IQANK1: variants seen among roughly 807,000 people sequenced by gnomAD.
IQANK1 encodes IQ motif and ankyrin repeat containing 1.
A neutral mutation model predicts 22.6 loss-of-function variants in IQANK1; 30 were observed. The observed-to-expected ratio is 1.33, with a 90% CI of 0.99 to 1.80. IQANK1 has a LOEUF of 1.80. Ranked by LOEUF, IQANK1 falls within the 40% of genes most tolerant of loss-of-function variation. IQANK1 has a pLI of 0.00. For missense variants in IQANK1, 275 were observed against 235.2 expected (o/e 1.17, Z -1.11); for synonymous variants, 122 against 99.6 (o/e 1.23, Z -1.34).
At chr8:143,759,633 G>A (rs1377689108) in intron 3 of IQANK1, 2 of 152,236 alleles carry the variant, frequency 1.3e-5, no homozygotes, top group Non-Finnish European at 2.9e-5. Context: ...GCCACCTGCT[G>A]AGCTTTGTGA....
Position 143,789,846 on chromosome 8 carries a change from A to G in IQANK1, c.1172A>G (p.Glu391Gly), listed in dbSNP as rs916705320. Residue 391 changes from glutamate (E) to glycine (G), a missense_variant, in exon 11 of 14, where the codon GAG (glutamate) becomes GGG (glycine). By Grantham distance (98) the Glu-to-Gly change is moderately conservative. Coordinates refer to ENST00000527139, the MANE Select transcript of IQANK1 (RefSeq NM_001381874.1). ...GAGGCGCTGGCTATGGCCAGGCTGG[A>G]GCTTCGGGAGCAGACGCAGGAGGGT... Reference protein sequence around the residue: ...AEEALAMARLELREQTQEGEE... With the variant: ...AEEALAMARLGLREQTQEGEE... 29 of 1,231,874 alleles carry G rather than the reference A, an allele frequency of 2.4e-5. No homozygotes were observed. The highest frequency in any genetic ancestry group is 1.7e-4 in the Admixed American group (4 of 23,708). The allele number at this position is 1,231,874 out of a possible 1,614,324, so 76.3% of individuals were successfully genotyped here.
At position 143,771,978 on chromosome 8, in the gene IQANK1, G is replaced by T. The variant is rs1554629827; in HGVS notation, c.471+13G>T. 2 of 145,886 alleles carry T rather than the reference G, an allele frequency of 1.4e-5. No homozygotes were observed. The highest frequency in any genetic ancestry group is 2.5e-5 in the African/African-American group (1 of 39,436). 9.0% of individuals were successfully genotyped at this position (145,886 alleles called of 1,614,324 possible). On this transcript the variant is annotated intron_variant, in intron 5 of 13. Transcript: ENST00000527139. This position sits in a 1 kb window ranked among gnomAD's most constrained non-coding sequence, Gnocchi z 6.0. ...GGTGCTGAAGGAGGTCAGCGGGGGC[G>T]GGAGGAGGACGAGGGCGGGGGGTGG...
At chr8:143,751,602 A>G (rs1402848846) in intron 3 of IQANK1, among the ~76,000 whole-genome samples, 13 of 139,866 alleles carry the variant, frequency 9.3e-5, no homozygotes, top group African/African-American at 3.2e-4. Context: ...ACAGAGCGAG[A>G]CTTCATCTCA....
In IQANK1 at chr8:143,789,177, C is replaced by T. The variant is rs1243731734; in HGVS notation, c.939-12C>T. 5.0e-6 allele frequency: 2 copies of T among 399,832 alleles called. No individual in the cohort carries two copies. Among genetic ancestry groups the T allele is most frequent in the Non-Finnish European group, 8.8e-6 (2 of 226,736 alleles). 24.8% of individuals were successfully genotyped at this position (399,832 alleles called of 1,614,324 possible). A position where few individuals can be genotyped will look rare whatever the true frequency, so the allele number is the denominator to read the frequency against. On this transcript the variant is annotated splice_polypyrimidine_tract_variant and intron_variant, in intron 8 of 13. Coordinates refer to ENST00000527139, the MANE Select transcript of IQANK1 (RefSeq NM_001381874.1). ...GCGGAAGCCTCTGTCCCAGCTCATT[C>T]CTGCTCCTTAGTATGACCCTCAAGG...
intron 7 of IQANK1, among the ~76,000 whole-genome samples, chr8:143,787,705 G>A (rs781863511): frequency 6.7e-5 from 10 of 150,158 alleles, no homozygotes; most frequent in South Asian, 2.1e-4. Context: ...CCCATGCCAC[G>A]AACCCCTTGC....
At chr8:143,787,673 C>T (rs1819918131) in intron 7 of IQANK1, among the ~76,000 whole-genome samples, 1 of 152,130 alleles carries the variant, frequency 6.6e-6, no homozygotes, top group Non-Finnish European at 1.5e-5. Flanking sequence ...CCGCTCTTTC[C>T]CCTCATCCTG....
chr8:143,737,954 T>C (rs1818787481), intron 2 of IQANK1, among the ~76,000 whole-genome samples: 1 of 152,196 alleles, frequency 6.6e-6, no homozygotes, highest in Non-Finnish European at 1.5e-5. Flanking sequence ...GCCTTCCATG[T>C]GCCCAGCAAG....
intron 2 of IQANK1, among the ~76,000 whole-genome samples, 180 bp from the exon 3 acceptor site, chr8:143,739,679 C>T (rs1818846747): frequency 6.6e-6 from 1 of 152,228 alleles, no homozygotes; most frequent in South Asian, 2.1e-4. Context: ...GGAGTATGTG[C>T]TGCTGGAGGA....
intron 3 of IQANK1, chr8:143,742,809 G>A (rs1255105811): frequency 2.2e-6 from 1 of 455,982 alleles, no homozygotes; most frequent in Non-Finnish European, 4.4e-6. Flanking sequence ...TTAGCCAGCA[G>A]CCCTGGGCCA....
At chr8:143,755,841 G>A (rs1460698137) in intron 3 of IQANK1, among the ~76,000 whole-genome samples, 1 of 152,188 alleles carries the variant, frequency 6.6e-6, no homozygotes, top group African/African-American at 2.4e-5. Context: ...GAGCCATGCT[G>A]GGGGCTCAGT....
chr8:143,760,276 T>C (rs1819370602), intron 3 of IQANK1: 3 of 152,160 alleles, frequency 2.0e-5, no homozygotes, highest in African/African-American at 4.8e-5. Flanking sequence ...ACCAAATCAG[T>C]TGCACAACTG....
intron 3 of IQANK1, chr8:143,742,491 C>T (rs917737349): frequency 5.5e-5 from 25 of 455,978 alleles, no homozygotes; most frequent in Non-Finnish European, 9.3e-5. Context: ...CGGGACTCGC[C>T]TGTGTCATCT....
In IQANK1 at chr8:143,771,426, AG is replaced by A. The variant is rs1819570427; in HGVS notation, c.176-58del. On this transcript the variant is annotated intron_variant, in intron 3 of 13. Transcript: ENST00000527139. This position sits in a 1 kb window ranked among gnomAD's most constrained non-coding sequence, Gnocchi z 6.0. Reference sequence around the variant, plus strand: ...CGGGGGCGGGGCCGGCTCCACTCCCAGGGGCGCAGCAGGCGTGGCTGGAGGC... The same window carrying A: ...CGGGGGCGGGGCCGGCTCCACTCCCAGGGCGCAGCAGGCGTGGCTGGAGGC... The A allele has an allele frequency of 7.7e-6, 3 of 388,958 alleles. No homozygotes were observed. The highest frequency in any genetic ancestry group is 1.4e-5 in the Non-Finnish European group (3 of 220,332). The allele number at this position is 388,958 out of a possible 1,614,324, so 24.1% of individuals were successfully genotyped here.
rs200345688 is a variant in IQANK1, at chr8:143,756,976, T to TAA, written c.176-14501_176-14500dup. ...CTGGGTGACAGAATAGGACCCTGTC[T>TAA]AAAAAAAAAAAAGTCTTATGCAGAA... On this transcript the variant is annotated intron_variant, in intron 3 of 13. Transcript: ENST00000527139. Among the ~76,000 whole-genome samples the TAA allele has an allele frequency of 7.6e-3, 1,115 of 147,662 alleles. 7 individuals are homozygous for TAA. The highest frequency in any genetic ancestry group is 0.011 in the Non-Finnish European group (746 of 66,842).
In IQANK1 at chr8:143,735,904, G is replaced by A. The variant is rs1221235448; in HGVS notation, c.51G>A (p.Thr17=). The part of the protein sequence containing the change: ...RPKAAAGKWQ[T]LHPGPKTRAA... ...AAGCTGCAGCTGGGAAGTGGCAGAC[G>A]CTCCACCCTGGGCCCAAGACAAGAG... The change falls in exon 2 of 14, where the codon ACG becomes ACA. Residue 17 remains threonine (T), a synonymous_variant. Coordinates refer to ENST00000527139, the MANE Select transcript of IQANK1 (RefSeq NM_001381874.1). The surrounding 1 kb of genome is among the most constrained non-coding windows in gnomAD (Gnocchi z 5.2). 6 of 702,448 alleles carry A rather than the reference G, an allele frequency of 8.5e-6. No homozygotes were observed. Among genetic ancestry groups the A allele is most frequent in the East Asian group, 5.4e-5 (2 of 37,280 alleles). 43.5% of individuals were successfully genotyped at this position (702,448 alleles called of 1,614,324 possible).
chr8:143,772,873 G>C (rs906841856), intron 7 of IQANK1, among the ~76,000 whole-genome samples: 1 of 152,210 alleles, frequency 6.6e-6, no homozygotes, highest in Non-Finnish European at 1.5e-5. Flanking sequence ...GGTTGGCAGA[G>C]CTCACGGCGC....
intron 1 of IQANK1, among the ~76,000 whole-genome samples, chr8:143,734,545 GAGACTCCTCAGGA>G (rs1300892515): frequency 2.7e-5 from 4 of 150,714 alleles, no homozygotes; most frequent in African/African-American, 9.8e-5. Context: ...CCAAGCACAG[GAGACTCCTCAGGA>G]AGACAGAAGC....
At chr8:143,738,390 C>T (rs1251958109) in intron 2 of IQANK1, among the ~76,000 whole-genome samples, 3 of 152,202 alleles carry the variant, frequency 2.0e-5, no homozygotes, top group Non-Finnish European at 4.4e-5. Flanking sequence ...CAGGTCCTGC[C>T]CCTTGCTGGA....
At chr8:143,775,312 TTTAG>T (rs1402140676) in intron 7 of IQANK1, among the ~76,000 whole-genome samples, 1 of 150,082 alleles carries the variant, frequency 6.7e-6, no homozygotes, top group East Asian at 2.0e-4. Context: ...AAAATAAAAA[TTTAG>T]TTAAATTGCC....
Sources: allele counts gnomAD v4.1 joint callset (sites outside exome capture counted in the v4.1 genomes callset), GRCh38; gene constraint gnomAD v4.1.1; non-coding constraint Gnocchi (gnomAD v3.1); transcripts MANE v1.5; gene names NCBI Gene and HGNC (gene_info 2026-07-23, HGNC 2026-07-21).